The following PLB1 variants were observed in gnomAD, a reference collection of about 807,000 sequenced individuals.
PLB1 encodes the protein phospholipase B1, membrane-associated.
PLB1 carries 242 observed loss-of-function variants against 227.4 expected under a neutral mutation model. That is an observed-to-expected ratio of 1.06 (90% CI 0.96 to 1.18). The LOEUF (loss-of-function observed/expected upper bound fraction) is 1.18, where lower values mean the gene tolerates loss of function less well. PLB1 is among the 50% of genes most tolerant of loss of function. The probability of loss-of-function intolerance (pLI) is 0.00; values close to 1 mark genes in which losing one functional copy is unlikely to be tolerated. For synonymous variants in PLB1, 757 were observed against 682.2 expected (o/e 1.11, Z -1.71); for missense variants, 1,858 against 1,816.3 (o/e 1.02, Z -0.42).
At position 28,632,123 on chromosome 2, in the gene PLB1, C is replaced by A. The variant is rs780908280; in HGVS notation, c.3985C>A (p.Leu1329Ile). Residue 1329 changes from leucine to isoleucine, a missense_variant, in exon 55 of 58, where the codon CTC becomes ATC. Leu to Ile is a conservative substitution (Grantham distance 5). Coordinates refer to ENST00000327757, the MANE Select transcript of PLB1 (RefSeq NM_153021.5). ...GGTGCAGCCTTTCTTCCAAAACACA[C>A]TCACCCCACTGAACGAGGTGAGCTG... is the stretch of plus-strand genomic sequence containing the variant. ...VVVQPFFQNT[L>I]TPLNERGDTD... is the part of the protein sequence containing the mutation. 3 of 1,613,584 alleles carry A rather than the reference C, an allele frequency of 1.9e-6. No homozygotes were observed. Among genetic ancestry groups the A allele is most frequent in the African/African-American group, 1.3e-5 (1 of 74,906 alleles).
intron 57 of PLB1, among the ~76,000 whole-genome samples, chr2:28,641,252 G>A (rs1463130528): frequency 6.6e-6 from 1 of 152,222 alleles, no homozygotes; most frequent in Non-Finnish European, 1.5e-5. Flanking sequence ...AGGCAGATGA[G>A]CACTGGCGGG....
chr2:28,580,131 AG>A (rs1456558097), intron 23 of PLB1, among the ~76,000 whole-genome samples: 2 of 152,200 alleles, frequency 1.3e-5, no homozygotes, highest in African/African-American at 4.8e-5. Flanking sequence ...TTCAGAGCCA[AG>A]TCATTCTGGG....
Position 28,617,766 on chromosome 2 carries a change from T to A in PLB1, c.3235T>A (p.Ser1079Thr). The A allele has an allele frequency of 6.2e-7, 1 of 1,614,126 alleles. No individual in the cohort carries two copies. The highest frequency in any genetic ancestry group is 1.1e-5 in the South Asian group (1 of 91,082). The change falls in exon 45 of 58, where the codon TCC (serine) becomes ACC (threonine). Residue 1079 changes from serine to threonine, a missense_variant. Physicochemically the swap from Ser to Thr is moderately conservative, Grantham distance 58. Transcript: ENST00000327757. Reference sequence around the variant, plus strand: ...CTTCCTGTGTACAGAGTGGAAGGCTTCCAATAGTGTTCCAACCTCTGGTGA... The same window carrying A: ...CTTCCTGTGTACAGAGTGGAAGGCTACCAATAGTGTTCCAACCTCTGGTGA... ...SDFLCTEWKA[S>T]NSVPTSVHQL... is the part of the protein sequence containing the mutation.
chr2:28,496,736 A>C (rs1464758431), intron 1 of PLB1, among the ~76,000 whole-genome samples: 2 of 152,224 alleles, frequency 1.3e-5, no homozygotes, highest in East Asian at 3.9e-4. Flanking sequence ...CCCAACATTA[A>C]TGACTGTGGG....
At chr2:28,586,482 C>T (rs1366530322) in intron 26 of PLB1, among the ~76,000 whole-genome samples, 1 of 152,154 alleles carries the variant, frequency 6.6e-6, no homozygotes, top group Non-Finnish European at 1.5e-5. Context: ...AAGTTTCTCC[C>T]CAACAAGCTT....
chr2:28,621,251 C>G (rs1687014156), intron 49 of PLB1, among the ~76,000 whole-genome samples: 1 of 152,092 alleles, frequency 6.6e-6, no homozygotes, highest in Non-Finnish European at 1.5e-5. Flanking sequence ...TTGCTCTGAC[C>G]ACTGTGCTAT....
intron 17 of PLB1, among the ~76,000 whole-genome samples, chr2:28,558,719 G>T (rs901854735): frequency 3.3e-5 from 5 of 152,090 alleles, no homozygotes; most frequent in Admixed American, 3.3e-4. Flanking sequence ...GTGTGTGTGT[G>T]TGTAAGGGTG....
chr2:28,590,115 C>T (rs4666105), intron 29 of PLB1, 39 bp downstream of exon 29: 513,928 of 1,540,164 alleles, frequency 0.33, 88,309 homozygotes, highest in African/African-American at 0.52. Context: ...TCCGGCTGCA[C>T]TGGGCTTCTT....
chr2:28,562,540 CAAA>C (rs60393903), intron 17 of PLB1, among the ~76,000 whole-genome samples: 6 of 42,604 alleles, frequency 1.4e-4, no homozygotes, highest in East Asian at 1.1e-3. Context: ...GACTCTGTCT[CAAA>C]AAAAAAAAAA....
intron 56 of PLB1, among the ~76,000 whole-genome samples, chr2:28,638,586 G>C (rs1463181867): frequency 6.6e-6 from 1 of 152,100 alleles, no homozygotes; most frequent in Non-Finnish European, 1.5e-5. Flanking sequence ...GGGCAGAGGA[G>C]GAGAGACGCT....
At chr2:28,551,026 G>C (rs1674163647) in intron 16 of PLB1, among the ~76,000 whole-genome samples, 1 of 152,232 alleles carries the variant, frequency 6.6e-6, no homozygotes, top group Non-Finnish European at 1.5e-5. Flanking sequence ...TCCGCAACCA[G>C]CATGGGAGGC....
At chr2:28,534,723 AG>A (rs1320837168) in intron 9 of PLB1, among the ~76,000 whole-genome samples, 3 of 152,072 alleles carry the variant, frequency 2.0e-5, no homozygotes, top group Non-Finnish European at 4.4e-5. Context: ...GCTTGGTGGC[AG>A]GCACCTGTAG....
chr2:28,614,243 C>T (rs185124854), intron 44 of PLB1, 147 bp downstream of exon 44: 38 of 805,876 alleles, frequency 4.7e-5, no homozygotes, highest in South Asian at 2.5e-4. Context: ...AAAAGGCTCC[C>T]GGACCACGAA....
chr2:28,529,176 C>T (rs1007963990), intron 6 of PLB1, 141 bp from the exon 7 acceptor site: 1 of 619,748 alleles, frequency 1.6e-6, no homozygotes, highest in South Asian at 1.9e-5. Context: ...AACTCTTGGG[C>T]TCAAGTGATC....
intron 17 of PLB1, among the ~76,000 whole-genome samples, chr2:28,555,314 G>T (rs2148227914): frequency 6.6e-6 from 1 of 152,114 alleles, no homozygotes; most frequent in East Asian, 1.9e-4. Context: ...GCTAATTTTT[G>T]TATTTTTTGT....
chr2:28,552,791 G>A, intron 16 of PLB1, 137 bp from the exon 17 acceptor site: 1 of 689,304 alleles, frequency 1.5e-6, no homozygotes, highest in South Asian at 1.7e-5. Flanking sequence ...AGTGTTGAAG[G>A]AGAGGGAGAA....
Position 28,603,836 on chromosome 2 carries a change from C to G in PLB1, c.2775-130C>G, listed in dbSNP as rs1057514351. Reference sequence around the variant, plus strand: ...CCCCTGAGCATGTGCGCCAGAGCCTCAAGGCTTGAGTGCTCCTAAACCAGG... The same window carrying G: ...CCCCTGAGCATGTGCGCCAGAGCCTGAAGGCTTGAGTGCTCCTAAACCAGG... On this transcript the variant is annotated intron_variant, in intron 39 of 57. Transcript: ENST00000327757. The G allele has an allele frequency of 5.0e-6, 4 of 804,816 alleles. No homozygotes were observed. The African/African-American group carries it at 6.8e-5, about 14-fold the overall frequency. 49.9% of individuals were successfully genotyped at this position (804,816 alleles called of 1,614,324 possible).
chr2:28,567,586 G>T (rs1677231392), intron 20 of PLB1, among the ~76,000 whole-genome samples: 1 of 143,570 alleles, frequency 7.0e-6, no homozygotes, highest in Admixed American at 7.5e-5. Context: ...CGATTCTCCT[G>T]CCTCAGCCTC....
Position 28,498,405 on chromosome 2 carries a change from C to T in PLB1, c.55+2236C>T, listed in dbSNP as rs1464522300. 1.6e-3 allele frequency among the ~76,000 whole-genome samples: 239 copies of T among 147,532 alleles called. 3 individuals are homozygous for T. Among genetic ancestry groups the T allele is most frequent in the Non-Finnish European group, 2.1e-3 (140 of 65,556 alleles). ...ATATAATCAAAATATTGTGTTCAGG[C>T]ACATGCCACCATGCCTGGCTAATTT... On this transcript the variant is annotated intron_variant, in intron 1 of 57. Coordinates refer to ENST00000327757, the MANE Select transcript of PLB1 (RefSeq NM_153021.5).
Sources: allele counts gnomAD v4.1 joint callset (sites outside exome capture counted in the v4.1 genomes callset), GRCh38; gene constraint gnomAD v4.1.1; transcripts MANE v1.5; gene names NCBI Gene and HGNC (gene_info 2026-07-23, HGNC 2026-07-21).